The following LINGO1 variants were observed in gnomAD, a reference collection of about 807,000 sequenced individuals.
LINGO1 encodes the protein leucine rich repeat and Ig domain containing 1, also known as leucine-rich repeat and immunoglobulin-like domain-containing nogo receptor-interacting protein 1.
Under a neutral mutation model 37.3 loss-of-function variants are expected in LINGO1, and 11 were observed. The observed-to-expected ratio is 0.29, with a 90% CI of 0.19 to 0.49. The LOEUF (loss-of-function observed/expected upper bound fraction) is 0.49. Ranked by LOEUF, LINGO1 falls within the 20% of genes least tolerant of loss-of-function variation. The probability of loss-of-function intolerance (pLI) is 0.99; values close to 1 mark genes in which losing one functional copy is unlikely to be tolerated. For missense variants in LINGO1, 585 were observed against 878.2 expected, an observed-to-expected ratio of 0.67 and a Z score of 4.22; for synonymous variants, 387 against 403.0, an observed-to-expected ratio of 0.96 and a Z score of 0.48.
At chr15:77,810,346 G>GCACACA (rs138640024) in intron 1 of LINGO1, among the ~76,000 whole-genome samples, 7 of 148,978 alleles carry the variant, frequency 4.7e-5, no homozygotes, top group African/African-American at 1.7e-4. Context: ...ACACACACAT[G>GCACACA]CACACACACA....
chr15:77,761,942 G>GACAT (rs2076481788), intron 1 of LINGO1, among the ~76,000 whole-genome samples: 2 of 152,106 alleles, frequency 1.3e-5, no homozygotes, highest in African/African-American at 2.4e-5. Flanking sequence ...AGTGAGGCCG[G>GACAT]GATGTGATGT....
intron 2 of LINGO1, among the ~76,000 whole-genome samples, chr15:77,719,072 G>C (rs2076018371): frequency 6.7e-6 from 1 of 150,306 alleles, no homozygotes; most frequent in Admixed American, 6.7e-5. Context: ...TGTCCAGGCA[G>C]GGCGGAGGGT....
At chr15:77,796,942 T>C (rs1415729725) in intron 1 of LINGO1, among the ~76,000 whole-genome samples, 1 of 152,216 alleles carries the variant, frequency 6.6e-6, no homozygotes, top group Non-Finnish European at 1.5e-5. Context: ...CCTTAAGCAG[T>C]CCTCCTGCCT....
chr15:77,708,858 G>C (rs1397615031), intron 2 of LINGO1, among the ~76,000 whole-genome samples: 2 of 152,212 alleles, frequency 1.3e-5, no homozygotes, highest in African/African-American at 4.8e-5. Context: ...AGGTTGCAGT[G>C]AGCAGAGATC....
rs1471414411 is a variant in LINGO1, at chr15:77,614,497, G to A, written c.1410C>T (p.Ser470=). 2 of 1,610,430 alleles carry A rather than the reference G, an allele frequency of 1.2e-6. No homozygotes were observed. Among genetic ancestry groups the A allele is most frequent in the Non-Finnish European group, 1.7e-6 (2 of 1,179,754 alleles). The change falls in exon 2 of 2, where the codon AGC becomes AGT. Residue 470 remains serine, a synonymous_variant. Coordinates refer to ENST00000355300, the MANE Select transcript of LINGO1 (RefSeq NM_032808.7). ...CAGGGAAGACTGTGAGCCGCCCATT[G>A]CTCTTGGCTGAGACCAGGTGCTTTC... ...SPRKHLVSAK[S]NGRLTVFPDG...
chr15:77,738,492 G>A (rs969308698), intron 1 of LINGO1, among the ~76,000 whole-genome samples: 1 of 152,052 alleles, frequency 6.6e-6, no homozygotes, highest in African/African-American at 2.4e-5. Context: ...CCATTCAAAT[G>A]AGCCCTCTTA....
At chr15:77,691,751 T>G (rs1473762945) in intron 1 of LINGO1, among the ~76,000 whole-genome samples, 4 of 151,778 alleles carry the variant, frequency 2.6e-5, no homozygotes, top group African/African-American at 9.7e-5. Flanking sequence ...ACGGCACCCC[T>G]GCCAAGAGAG....
intron 1 of LINGO1, among the ~76,000 whole-genome samples, chr15:77,625,627 T>C (rs772661468): frequency 7.2e-5 from 11 of 152,188 alleles, no homozygotes; most frequent in Non-Finnish European, 1.3e-4. Context: ...ATTATCCCCA[T>C]TTTACTGATT....
intron 3 of LINGO1, among the ~76,000 whole-genome samples, chr15:77,654,845 C>T (rs2074834277): frequency 6.6e-6 from 1 of 152,178 alleles, no homozygotes; most frequent in Non-Finnish European, 1.5e-5. Context: ...ACGTAAAGAT[C>T]TTGGCACAGA....
intron 2 of LINGO1, among the ~76,000 whole-genome samples, chr15:77,794,312 GTGTATATACATACATA>G (rs1567587924): frequency 0.071 from 7,655 of 108,214 alleles, 1,905 homozygotes; most frequent in Admixed American, 0.18. Flanking sequence ...ATACATATAT[GTGTATATACATACATA>G]TATGTATATA....
At chr15:77,640,644 G>T (rs1022990218) in intron 3 of LINGO1, among the ~76,000 whole-genome samples, 10 of 152,128 alleles carry the variant, frequency 6.6e-5, no homozygotes, top group African/African-American at 2.4e-4. Flanking sequence ...TGGTGTTGGG[G>T]ACATAGACGG....
At chr15:77,758,619 T>C (rs2076444107) in intron 1 of LINGO1, among the ~76,000 whole-genome samples, 1 of 152,170 alleles carries the variant, frequency 6.6e-6, no homozygotes, top group South Asian at 2.1e-4. Flanking sequence ...GAGCACATTC[T>C]CTGGAATGAG....
chr15:77,650,907 T>A (rs1434991321), intron 3 of LINGO1, among the ~76,000 whole-genome samples: 1 of 151,688 alleles, frequency 6.6e-6, no homozygotes, highest in Non-Finnish European at 1.5e-5. Flanking sequence ...GAGGCTTGGG[T>A]TTGGTGGCTC....
intron 2 of LINGO1, among the ~76,000 whole-genome samples, chr15:77,678,121 T>C (rs2075357928): frequency 6.6e-6 from 1 of 152,242 alleles, no homozygotes; most frequent in Admixed American, 6.5e-5. Context: ...ACAGACTGAC[T>C]TGTTATTTGG....
At chr15:77,657,269 C>G (rs912655402) in intron 3 of LINGO1, among the ~76,000 whole-genome samples, 2 of 151,946 alleles carry the variant, frequency 1.3e-5, no homozygotes, top group African/African-American at 4.8e-5. Context: ...AGGTAGCTGC[C>G]CCAGACCTCA....
intron 1 of LINGO1, among the ~76,000 whole-genome samples, chr15:77,819,066 T>G (rs1190821683): frequency 6.6e-6 from 1 of 150,902 alleles, no homozygotes; most frequent in African/African-American, 2.4e-5. Flanking sequence ...CGGCCTGGGC[T>G]GCCGAGCACG....
chr15:77,761,867 C>T (rs913315072), intron 1 of LINGO1, among the ~76,000 whole-genome samples: 1 of 152,234 alleles, frequency 6.6e-6, no homozygotes, highest in East Asian at 1.9e-4. Flanking sequence ...CTGGAGTCTC[C>T]ATCCCTGGCA....
intron 1 of LINGO1, among the ~76,000 whole-genome samples, chr15:77,619,895 A>G (rs756244063): frequency 1.3e-5 from 2 of 152,182 alleles, no homozygotes; most frequent in Non-Finnish European, 2.9e-5. Context: ...GCCTCATCTC[A>G]TGCCTCTTAC....
At chr15:77,686,655 G>T (rs1044606888) in intron 2 of LINGO1, among the ~76,000 whole-genome samples, 7 of 152,164 alleles carry the variant, frequency 4.6e-5, no homozygotes, top group Non-Finnish European at 1.0e-4. Context: ...GTTATGCTGG[G>T]AGAACACTTA....
Sources: allele counts gnomAD v4.1 joint callset (sites outside exome capture counted in the v4.1 genomes callset), GRCh38; gene constraint gnomAD v4.1.1; transcripts MANE v1.5; gene names NCBI Gene and HGNC (gene_info 2026-07-23, HGNC 2026-07-21).